LRRTM4: variants seen among roughly 807,000 people sequenced by gnomAD.
The protein encoded by LRRTM4 is leucine rich repeat transmembrane neuronal 4.
LRRTM4 carries 25 observed loss-of-function variants against 47.6 expected under a neutral mutation model. That is an observed-to-expected ratio of 0.53 (90% CI 0.38 to 0.73). LRRTM4 has a LOEUF of 0.73. LRRTM4 is among the 30% of genes least tolerant of loss of function. The pLI, the probability that LRRTM4 is intolerant of heterozygous loss-of-function variation, is 0.00. For synonymous variants in LRRTM4, 311 were observed against 269.5 expected (o/e 1.15, Z -1.51); for missense variants, 638 against 713.4 (o/e 0.89, Z 1.20).
At chr2:77,202,337 G>A (rs754847566) in intron 3 of LRRTM4, among the ~76,000 whole-genome samples, 1 of 151,944 alleles carries the variant, frequency 6.6e-6, no homozygotes, top group South Asian at 2.1e-4. Flanking sequence ...ACATCAATCC[G>A]GAGTTTATGG....
In LRRTM4 at chr2:76,901,461, G is replaced by A. The variant is rs375831171; in HGVS notation, c.1552-152545C>T. 4.6e-5 allele frequency among the ~76,000 whole-genome samples: 7 copies of A among 151,600 alleles called. No homozygotes were observed. The South Asian group carries it at 1.2e-3, about 27-fold the overall frequency. Reference sequence around the variant, plus strand: ...TTATCTAGTCTATCATTTAAAATGGGACCACTGTGACTTAGACAGAAAAAA... The same window carrying A: ...TTATCTAGTCTATCATTTAAAATGGAACCACTGTGACTTAGACAGAAAAAA... On this transcript the variant is annotated intron_variant, in intron 3 of 3. Coordinates refer to ENST00000409884, the MANE Select transcript of LRRTM4 (RefSeq NM_001134745.3).
chr2:77,128,295 C>T (rs1206919121), intron 3 of LRRTM4, among the ~76,000 whole-genome samples: 1 of 151,966 alleles, frequency 6.6e-6, no homozygotes, highest in Non-Finnish European at 1.5e-5. Flanking sequence ...CATTTTAAAG[C>T]AGTTGGTATG....
At chr2:77,130,695 T>C (rs1671771311) in intron 3 of LRRTM4, among the ~76,000 whole-genome samples, 1 of 150,974 alleles carries the variant, frequency 6.6e-6, no homozygotes, top group Non-Finnish European at 1.5e-5. Context: ...GTATTTTTAG[T>C]AGAGACGGGG....
At chr2:77,369,011 T>G (rs1672558656) in intron 3 of LRRTM4, among the ~76,000 whole-genome samples, 1 of 151,786 alleles carries the variant, frequency 6.6e-6, no homozygotes, top group African/African-American at 2.4e-5. Context: ...ACATTATCTC[T>G]TATCTTTTTG....
intron 3 of LRRTM4, among the ~76,000 whole-genome samples, chr2:77,471,669 C>A (rs1432324665): frequency 1.3e-5 from 2 of 152,138 alleles, no homozygotes; most frequent in Non-Finnish European, 2.9e-5. Flanking sequence ...GCCTGGAAAT[C>A]CACTTGATAG....
chr2:76,851,800 G>A, intron 3 of LRRTM4, among the ~76,000 whole-genome samples: 1 of 125,428 alleles, frequency 8.0e-6, no homozygotes, highest in Non-Finnish European at 1.6e-5. Context: ...GCACCTCTAA[G>A]ACCCTGTTCC....
intron 3 of LRRTM4, among the ~76,000 whole-genome samples, chr2:76,901,938 G>C (rs1302336087): frequency 1.3e-5 from 2 of 152,056 alleles, no homozygotes; most frequent in African/African-American, 2.4e-5. Context: ...TAATTCCTTT[G>C]CTCTGTGGGC....
chr2:76,914,640 T>C (rs2103789922), intron 3 of LRRTM4, among the ~76,000 whole-genome samples: 1 of 152,178 alleles, frequency 6.6e-6, no homozygotes, highest in East Asian at 1.9e-4. Context: ...ATTCTTCCTC[T>C]TATCTGACTC....
chr2:77,207,142 T>TTATATGTATA (rs1674148350), intron 3 of LRRTM4, among the ~76,000 whole-genome samples: 1 of 136,852 alleles, frequency 7.3e-6, no homozygotes, highest in East Asian at 2.2e-4. Flanking sequence ...TATTTTATAT[T>TTATATGTATA]TATATATATA....
intron 3 of LRRTM4, among the ~76,000 whole-genome samples, chr2:77,074,550 A>C (rs530139045): frequency 3.0e-4 from 46 of 152,180 alleles, no homozygotes; most frequent in Non-Finnish European, 5.9e-4. Context: ...GGAATTTCCA[A>C]GTTTTCACAA....
intron 3 of LRRTM4, among the ~76,000 whole-genome samples, chr2:77,423,904 C>T (rs10183127): frequency 0.35 from 53,648 of 151,898 alleles, 9,555 homozygotes; most frequent in African/African-American, 0.37. Flanking sequence ...GTCTTTGGTA[C>T]AATCAGTCAC....
chr2:76,778,935 C>T (rs1674189836), intron 3 of LRRTM4, among the ~76,000 whole-genome samples: 1 of 151,270 alleles, frequency 6.6e-6, no homozygotes, highest in Non-Finnish European at 1.5e-5. Context: ...GCTTTGAATG[C>T]ATCCCAGAGA....
At chr2:77,419,831 C>T (rs1177814158) in intron 3 of LRRTM4, among the ~76,000 whole-genome samples, 1 of 151,938 alleles carries the variant, frequency 6.6e-6, no homozygotes, top group Non-Finnish European at 1.5e-5. Flanking sequence ...AGATTAATCA[C>T]ACTTGACCAG....
intron 3 of LRRTM4, among the ~76,000 whole-genome samples, chr2:77,154,185 G>T (rs1371519044): frequency 6.6e-6 from 1 of 152,158 alleles, no homozygotes; most frequent in Non-Finnish European, 1.5e-5. Flanking sequence ...AATCCATTTA[G>T]CTTCTTCTCT....
chr2:77,166,715 C>G (rs1052519623), intron 3 of LRRTM4, among the ~76,000 whole-genome samples: 10 of 152,106 alleles, frequency 6.6e-5, no homozygotes, highest in African/African-American at 2.4e-4. Flanking sequence ...AAATGATTCC[C>G]TATTTAATAA....
At chr2:77,460,854 A>C (rs964993745) in intron 3 of LRRTM4, among the ~76,000 whole-genome samples, 2 of 152,134 alleles carry the variant, frequency 1.3e-5, no homozygotes, top group African/African-American at 4.8e-5. Context: ...ACTTTGAATA[A>C]GGCAGGTGCA....
intron 3 of LRRTM4, among the ~76,000 whole-genome samples, chr2:77,373,086 A>ATATATATATATATATATATATAT (rs1553435858): frequency 7.7e-6 from 1 of 130,136 alleles, no homozygotes; most frequent in East Asian, 2.3e-4. Context: ...AATTAAAAAA[A>ATATATATATATATATATATATAT]AAATATATAT....
intron 3 of LRRTM4, among the ~76,000 whole-genome samples, chr2:77,322,010 G>A (rs1421835565): frequency 6.6e-6 from 1 of 152,040 alleles, no homozygotes; most frequent in African/African-American, 2.4e-5. Flanking sequence ...GCTGTAGGAG[G>A]GTAAAAGGTT....
chr2:76,809,135 A>G (rs1021969056), intron 3 of LRRTM4, among the ~76,000 whole-genome samples: 1 of 152,168 alleles, frequency 6.6e-6, no homozygotes, highest in Non-Finnish European at 1.5e-5. Context: ...AGACAAGAAA[A>G]TGATGAAGAA....
Sources: allele counts gnomAD v4.1 joint callset (sites outside exome capture counted in the v4.1 genomes callset), GRCh38; gene constraint gnomAD v4.1.1; transcripts MANE v1.5; gene names NCBI Gene and HGNC (gene_info 2026-07-23, HGNC 2026-07-21).